The following FAF1 variants were observed in gnomAD, a reference collection of about 807,000 sequenced individuals.
FAF1 encodes FAS-associated factor 1.
FAF1 carries 25 observed loss-of-function variants against 92.5 expected under a neutral mutation model. That is an observed-to-expected ratio of 0.27 (90% confidence interval 0.20 to 0.38). The LOEUF is 0.38. Among genes scored for constraint, FAF1 ranks in the 10% least tolerant of loss-of-function variants. The probability of loss-of-function intolerance (pLI) is 1.00; values close to 1 mark genes in which losing one functional copy is unlikely to be tolerated. For missense variants in FAF1, 636 were observed against 793.3 expected, an observed-to-expected ratio of 0.80 and a Z score of 2.38; for synonymous variants, 234 against 273.2, an observed-to-expected ratio of 0.86 and a Z score of 1.42.
intron 18 of FAF1, chr1:50,462,199 T>C (rs556404825): frequency 2.6e-5 from 4 of 152,028 alleles, no homozygotes; most frequent in Admixed American, 6.6e-5. Context: ...TAGGAACTCA[T>C]AGCCCTGAGC....
chr1:50,786,214 T>A (rs542112655), intron 4 of FAF1, among the ~76,000 whole-genome samples: 1 of 152,164 alleles, frequency 6.6e-6, no homozygotes, highest in African/African-American at 2.4e-5. Context: ...TAAATGTCCA[T>A]TTATGATGTT....
intron 8 of FAF1, among the ~76,000 whole-genome samples, chr1:50,604,678 T>C (rs1232238459): frequency 6.6e-6 from 1 of 152,102 alleles, no homozygotes; most frequent in Admixed American, 6.5e-5. Context: ...CAGCTAATTC[T>C]TTAATTTTTT....
At chr1:50,535,703 A>C (rs1648442717) in intron 14 of FAF1, among the ~76,000 whole-genome samples, 1 of 152,238 alleles carries the variant, frequency 6.6e-6, no homozygotes, top group Non-Finnish European at 1.5e-5. Context: ...CTTAATGAGA[A>C]GGACTTTTAG....
rs904793899 is a variant in FAF1 at position 50,766,083 on chromosome 1, ACT to A, written c.368-21310_368-21309del. Among the ~76,000 whole-genome samples the A allele has an allele frequency of 2.8e-4, 42 of 151,422 alleles. 2 individuals carry two copies. Among genetic ancestry groups the A allele is most frequent in the Admixed American group, 1.6e-3 (24 of 15,198 alleles). ...CTCCAGCCTGGGCGACAAGAACGAAACTCTGTCTCAAAAAAAAAAGTAAAATG... is the reference window on the plus strand; with the variant it reads ...CTCCAGCCTGGGCGACAAGAACGAAACTGTCTCAAAAAAAAAAGTAAAATG... On this transcript the variant is annotated intron_variant, in intron 4 of 18. Coordinates refer to ENST00000396153, the MANE Select transcript of FAF1 (RefSeq NM_007051.3).
At chr1:50,563,426 TAAA>T (rs1046418676) in intron 13 of FAF1, among the ~76,000 whole-genome samples, 1 of 141,988 alleles carries the variant, frequency 7.0e-6, no homozygotes. Flanking sequence ...CCTTGTCTCT[TAAA>T]AAAAAAAAAA....
At position 50,514,065 on chromosome 1, in the gene FAF1, T is replaced by A. The variant is rs113240717; in HGVS notation, c.1494+21304A>T. On this transcript the variant is annotated intron_variant, in intron 15 of 18. Transcript: ENST00000396153. ...ATCTGTTTCAACTTGCTGAATGAAT[T>A]GTATGGGAAAAACAAATATGGGTTT... 3.0e-3 allele frequency among the ~76,000 whole-genome samples: 453 copies of A among 152,342 alleles called. 3 individuals carry two copies. Among genetic ancestry groups the A allele is most frequent in the African/African-American group, 0.01 (431 of 41,584 alleles).
intron 13 of FAF1, among the ~76,000 whole-genome samples, chr1:50,554,026 T>C (rs1196531610): frequency 2.0e-5 from 3 of 151,842 alleles, no homozygotes; most frequent in African/African-American, 4.8e-5. Context: ...GTTGTACTGC[T>C]AAGGACACGT....
At chr1:50,777,440 T>C (rs920529562) in intron 4 of FAF1, among the ~76,000 whole-genome samples, 2 of 152,040 alleles carry the variant, frequency 1.3e-5, no homozygotes, top group Non-Finnish European at 2.9e-5. Context: ...AAAAAAATCA[T>C]TTCAAGTCAC....
chr1:50,461,739 A>G (rs10399783), intron 18 of FAF1, among the ~76,000 whole-genome samples: 1,813 of 152,218 alleles, frequency 0.012, 36 homozygotes, highest in African/African-American at 0.041. Flanking sequence ...TAAACTCTAG[A>G]TATTTCTAAT....
intron 7 of FAF1, among the ~76,000 whole-genome samples, chr1:50,666,978 T>C (rs1655669159): frequency 6.6e-6 from 1 of 152,230 alleles, no homozygotes; most frequent in Non-Finnish European, 1.5e-5. Flanking sequence ...CCACAGCTGC[T>C]GTGCTGCAAT....
At chr1:50,531,838 C>G (rs149336966) in intron 15 of FAF1, among the ~76,000 whole-genome samples, 100 of 152,120 alleles carry the variant, frequency 6.6e-4, no homozygotes, top group African/African-American at 2.1e-3. Flanking sequence ...GTTTATTTAA[C>G]AAAAGTTTTA....
intron 1 of FAF1, among the ~76,000 whole-genome samples, chr1:50,870,651 G>GT (rs1644520590): frequency 6.6e-6 from 1 of 152,006 alleles, no homozygotes. Flanking sequence ...TGTTACTATT[G>GT]TAATTGTTTT....
chr1:50,716,338 T>C (rs1443845672), intron 6 of FAF1, among the ~76,000 whole-genome samples: 2 of 152,118 alleles, frequency 1.3e-5, no homozygotes, highest in African/African-American at 2.4e-5. Context: ...AACTAACCCA[T>C]AGCCCACCTA....
chr1:50,736,673 C>T lies in FAF1; in HGVS notation c.551+2190G>A, dbSNP rs576055133. On this transcript the variant is annotated intron_variant, in intron 6 of 18. Coordinates refer to ENST00000396153, the MANE Select transcript of FAF1 (RefSeq NM_007051.3). ...GGCTGAGACAGGAGAATTGCTTGAA[C>T]CCAGGAGGCGGAGGTTGCAGTGAGC... Among the ~76,000 whole-genome samples, 4 of 152,152 alleles carry T rather than the reference C, an allele frequency of 2.6e-5. No individual in the cohort carries two copies. The South Asian group carries it at 8.3e-4, about 32-fold the overall frequency.
chr1:50,697,689 G>A (rs1424551800), intron 7 of FAF1, among the ~76,000 whole-genome samples: 1 of 151,968 alleles, frequency 6.6e-6, no homozygotes, highest in Non-Finnish European at 1.5e-5. Context: ...GAACAATCCA[G>A]TACTCTACTG....
chr1:50,855,953 T>C (rs1409682310), intron 2 of FAF1, among the ~76,000 whole-genome samples: 1 of 151,782 alleles, frequency 6.6e-6, no homozygotes, highest in African/African-American at 2.4e-5. Context: ...ATAAAATAAC[T>C]CAGAAATAGT....
intron 15 of FAF1, among the ~76,000 whole-genome samples, chr1:50,532,914 T>A (rs940391835): frequency 6.6e-6 from 1 of 152,158 alleles, no homozygotes; most frequent in Non-Finnish European, 1.5e-5. Context: ...TGGGCTCAAG[T>A]GATTCTCCCA....
intron 15 of FAF1, among the ~76,000 whole-genome samples, chr1:50,519,461 A>G (rs551169744): frequency 3.4e-5 from 5 of 147,154 alleles, no homozygotes; most frequent in Non-Finnish European, 6.0e-5. Context: ...GAGGGAGGGA[A>G]GGAAGGAAGG....
At chr1:50,826,640 T>C (rs1225914946) in intron 2 of FAF1, among the ~76,000 whole-genome samples, 4 of 151,804 alleles carry the variant, frequency 2.6e-5, no homozygotes, top group East Asian at 3.9e-4. Flanking sequence ...TGGATCCACA[T>C]GTTCAGTATT....
Sources: gnomAD v4.1 joint callset for allele counts (sites outside exome capture counted in the v4.1 genomes callset) on GRCh38, gnomAD v4.1.1 for gene constraint, MANE v1.5 for transcripts, NCBI Gene and HGNC (gene_info 2026-07-23, HGNC 2026-07-21) for gene names.